MYT1L: variants seen among roughly 807,000 people sequenced by gnomAD.
MYT1L encodes the protein myelin transcription factor 1 like, also known as myelin transcription factor 1-like protein.
MYT1L carries 12 observed loss-of-function variants against 126.7 expected under a neutral mutation model. The ratio of observed to expected loss-of-function variants is 0.09; its 90% confidence interval spans 0.06 to 0.15. MYT1L has a LOEUF of 0.15. Among genes scored for constraint, MYT1L ranks in the 10% least tolerant of loss-of-function variants. MYT1L has a pLI of 1.00. For synonymous variants in MYT1L, 541 were observed against 604.2 expected, an observed-to-expected ratio of 0.90 and a Z score of 1.53; for missense variants, 979 against 1,585.2, an observed-to-expected ratio of 0.62 and a Z score of 6.49.
chr2:2,289,541 G>GA (rs1029225494), intron 1 of MYT1L, among the ~76,000 whole-genome samples: 6 of 152,118 alleles, frequency 3.9e-5, no homozygotes, highest in Admixed American at 6.6e-5. Context: ...TAACAATAAT[G>GA]AAAAAACATA....
At chr2:2,215,570 T>A (rs1657728916) in intron 2 of MYT1L, among the ~76,000 whole-genome samples, 1 of 152,130 alleles carries the variant, frequency 6.6e-6, no homozygotes, top group African/African-American at 2.4e-5. Context: ...AATAGACAAA[T>A]CTACAATTAT....
At chr2:2,246,176 T>C (rs2149181283) in intron 2 of MYT1L, among the ~76,000 whole-genome samples, 1 of 152,184 alleles carries the variant, frequency 6.6e-6, no homozygotes, top group African/African-American at 2.4e-5. Context: ...ACTGGAGTAC[T>C]ACTGAAAGAG....
At chr2:2,241,746 A>T (rs1323396564) in intron 2 of MYT1L, among the ~76,000 whole-genome samples, 1 of 152,244 alleles carries the variant, frequency 6.6e-6, no homozygotes, top group African/African-American at 2.4e-5. Flanking sequence ...GTGGACTATT[A>T]TTCAGCCTTA....
intron 2 of MYT1L, among the ~76,000 whole-genome samples, chr2:2,257,085 G>A (rs2094833505): frequency 6.6e-6 from 1 of 152,136 alleles, no homozygotes; most frequent in African/African-American, 2.4e-5. Context: ...CCAATTCTGT[G>A]GAATTGGAAT....
intron 4 of MYT1L, among the ~76,000 whole-genome samples, chr2:2,002,045 T>TA (rs1346786818): frequency 2.0e-5 from 3 of 152,168 alleles, no homozygotes; most frequent in African/African-American, 7.2e-5. Flanking sequence ...GAAACCGTGA[T>TA]AAAATCAAAC....
At chr2:2,281,102 A>C (rs1304214422) in intron 2 of MYT1L, among the ~76,000 whole-genome samples, 3 of 152,220 alleles carry the variant, frequency 2.0e-5, no homozygotes, top group African/African-American at 7.2e-5. Flanking sequence ...TAATTGAATC[A>C]TGGGGGTGGT....
intron 2 of MYT1L, among the ~76,000 whole-genome samples, chr2:2,186,031 C>T (rs111971326): frequency 1.8e-4 from 20 of 109,578 alleles, no homozygotes; most frequent in African/African-American, 2.5e-4. Context: ...CGCGTTCCTT[C>T]CGTGAGGCGG....
chr2:1,856,847 C>T (rs2043979320), intron 18 of MYT1L, among the ~76,000 whole-genome samples: 1 of 152,228 alleles, frequency 6.6e-6, no homozygotes, highest in African/African-American at 2.4e-5. Context: ...TACATCAATG[C>T]TGTTAGAAAA....
intron 3 of MYT1L, among the ~76,000 whole-genome samples, chr2:2,063,554 A>G (rs1000895102): frequency 6.6e-6 from 1 of 152,194 alleles, no homozygotes; most frequent in African/African-American, 2.4e-5. Flanking sequence ...GATTAAAAAA[A>G]AGAACATGGC....
intron 9 of MYT1L, among the ~76,000 whole-genome samples, chr2:1,942,528 T>A (rs1372834618): frequency 6.6e-6 from 1 of 152,214 alleles, no homozygotes; most frequent in Non-Finnish European, 1.5e-5. Flanking sequence ...ACTTTGCTGG[T>A]TGATGTACCA....
At chr2:2,158,618 A>AACACACACACACAC (rs74164556) in intron 3 of MYT1L, among the ~76,000 whole-genome samples, 48 of 144,380 alleles carry the variant, frequency 3.3e-4, no homozygotes, top group African/African-American at 1.1e-3. Flanking sequence ...CCATGGCATA[A>AACACACACACACAC]ACACACACAC....
intron 3 of MYT1L, among the ~76,000 whole-genome samples, chr2:2,087,504 A>C (rs1289906144): frequency 6.6e-6 from 1 of 152,210 alleles, no homozygotes; most frequent in African/African-American, 2.4e-5. Context: ...TGCTGAGGGG[A>C]TCACACAGCA....
chr2:1,792,564 T>A, intron 23 of MYT1L, 100 bp from the exon 24 acceptor site: 1 of 1,303,642 alleles, frequency 7.7e-7, no homozygotes, highest in Non-Finnish European at 1.0e-6. Flanking sequence ...AGAAGGGGCC[T>A]CTCGCTGAAG....
chr2:2,221,218 C>G (rs1382925267), intron 2 of MYT1L, among the ~76,000 whole-genome samples: 4 of 152,162 alleles, frequency 2.6e-5, no homozygotes, highest in Non-Finnish European at 4.4e-5. Context: ...GGGGCTGAGC[C>G]TTCTTGCTCC....
chr2:1,982,862 G>A (rs535006885), intron 5 of MYT1L, among the ~76,000 whole-genome samples: 1 of 152,286 alleles, frequency 6.6e-6, no homozygotes, highest in African/African-American at 2.4e-5. Context: ...TGTAGTTTAG[G>A]GGAGCACCTG....
chr2:2,061,593 A>G (rs2070500963), intron 3 of MYT1L, among the ~76,000 whole-genome samples: 1 of 152,126 alleles, frequency 6.6e-6, no homozygotes, highest in Admixed American at 6.5e-5. Flanking sequence ...GACGCTGAAG[A>G]ACTTTGATGC....
intron 8 of MYT1L, among the ~76,000 whole-genome samples, chr2:1,956,095 TCTAC>T (rs1253011598): frequency 1.3e-4 from 20 of 152,304 alleles, no homozygotes; most frequent in South Asian, 4.1e-4. Context: ...CATCTTTGTA[TCTAC>T]CTACCTATGA....
At chr2:2,113,483 C>T (rs2079764817) in intron 3 of MYT1L, among the ~76,000 whole-genome samples, 1 of 152,178 alleles carries the variant, frequency 6.6e-6, no homozygotes, top group Non-Finnish European at 1.5e-5. Flanking sequence ...CTACGTGCTC[C>T]CACTTTACCA....
At chr2:2,173,121 T>C (rs1572125299) in intron 2 of MYT1L, 133 bp from the exon 3 acceptor site, 1 of 152,260 alleles carries the variant, frequency 6.6e-6, no homozygotes, top group East Asian at 1.9e-4. Flanking sequence ...CTTGAGAAGA[T>C]GTGTAAATAA....
Sources: gnomAD v4.1 joint callset for allele counts (sites outside exome capture counted in the v4.1 genomes callset) on GRCh38, gnomAD v4.1.1 for gene constraint, MANE v1.5 for transcripts, NCBI Gene and HGNC (gene_info 2026-07-23, HGNC 2026-07-21) for gene names.